The following ATP8A1 variants were observed in gnomAD, a reference collection of about 807,000 sequenced individuals.
ATP8A1 encodes phospholipid-transporting ATPase IA.
Under a neutral mutation model 177.7 loss-of-function variants are expected in ATP8A1, and 90 were observed. That is an observed-to-expected ratio of 0.51 (90% CI 0.43 to 0.60). The LOEUF is 0.60. Among genes scored for constraint, ATP8A1 ranks in the 20% least tolerant of loss-of-function variants. The pLI, the probability that ATP8A1 is intolerant of heterozygous loss-of-function variation, is 0.00. For missense variants in ATP8A1, 1,072 were observed against 1,392.8 expected (o/e 0.77, Z 3.67); for synonymous variants, 493 against 485.9 (o/e 1.01, Z -0.19).
chr4:42,440,816 C>A (rs547012249), intron 33 of ATP8A1, among the ~76,000 whole-genome samples: 1 of 152,284 alleles, frequency 6.6e-6, no homozygotes, highest in African/African-American at 2.4e-5. Context: ...TGAACCAGCA[C>A]AGAGCAGAAC....
intron 3 of ATP8A1, among the ~76,000 whole-genome samples, chr4:42,624,939 A>T (rs1284784750): frequency 1.3e-5 from 2 of 152,106 alleles, no homozygotes; most frequent in Non-Finnish European, 2.9e-5. Context: ...ACAATGAATA[A>T]CTGGGAAAAT....
chr4:42,528,951 T>C (rs1726985136), intron 20 of ATP8A1, among the ~76,000 whole-genome samples: 1 of 152,178 alleles, frequency 6.6e-6, no homozygotes, highest in African/African-American at 2.4e-5. Context: ...AGATATTCCT[T>C]CTAAGGTGAA....
In ATP8A1 at chr4:42,471,765, T is replaced by C. The variant is rs1260873337; in HGVS notation, c.2325-6689A>G. On this transcript the variant is annotated intron_variant, in intron 25 of 36. Transcript: ENST00000381668. Reference sequence around the variant, plus strand: ...ACTCAGCACAAGGCAGAATTAAAAATGGTAGCAAGCTCTTCCTAGGCTGGC... The same window carrying C: ...ACTCAGCACAAGGCAGAATTAAAAACGGTAGCAAGCTCTTCCTAGGCTGGC... The C allele has an allele frequency of 2.4e-5, 10 of 410,950 alleles. No individual in the cohort carries two copies. The Admixed American group carries it at 3.4e-4, about 14-fold the overall frequency. 25.5% of individuals were successfully genotyped at this position (410,950 alleles called of 1,614,324 possible). A position where few individuals can be genotyped will look rare whatever the true frequency, so the allele number is the denominator to read the frequency against.
At chr4:42,599,102 ATTGT>A (rs988348526) in intron 6 of ATP8A1, among the ~76,000 whole-genome samples, 2 of 152,178 alleles carry the variant, frequency 1.3e-5, no homozygotes, top group African/African-American at 2.4e-5. Flanking sequence ...TGAAATAATG[ATTGT>A]TTATTAGGAA....
chr4:42,629,516 G>T (rs1738500214), intron 1 of ATP8A1, among the ~76,000 whole-genome samples: 1 of 152,240 alleles, frequency 6.6e-6, no homozygotes, highest in Non-Finnish European at 1.5e-5. Context: ...AGCCAGTGGA[G>T]CTGGTAGGCA....
At chr4:42,472,666 C>G (rs1720564708) in intron 25 of ATP8A1, among the ~76,000 whole-genome samples, 1 of 149,916 alleles carries the variant, frequency 6.7e-6, no homozygotes, top group Admixed American at 6.7e-5. Flanking sequence ...ATTGCGTGAA[C>G]CTGGGAGATG....
chr4:42,410,581 C>T lies in ATP8A1; in HGVS notation c.*2335G>A, dbSNP rs1465618368. The T allele has an allele frequency of 2.6e-5, 4 of 152,156 alleles. No individual in the cohort carries two copies. Among genetic ancestry groups the T allele is most frequent in the Non-Finnish European group, 4.4e-5 (3 of 68,014 alleles). 9.4% of individuals were successfully genotyped at this position (152,156 alleles called of 1,614,324 possible). A position where few individuals can be genotyped will look rare whatever the true frequency, so the allele number is the denominator to read the frequency against. The stretch of plus-strand genomic sequence containing the variant: ...TTTCACCAAGAAGGTCATTCCCTGT[C>T]CCTCAAACCCCAAGTCTCACCCAGG... On this transcript the variant is annotated 3_prime_UTR_variant, in exon 37 of 37. Coordinates refer to ENST00000381668, the MANE Select transcript of ATP8A1 (RefSeq NM_006095.2).
At chr4:42,555,680 G>C (rs1247759783) in intron 16 of ATP8A1, among the ~76,000 whole-genome samples, 1 of 151,972 alleles carries the variant, frequency 6.6e-6, no homozygotes, top group Non-Finnish European at 1.5e-5. Flanking sequence ...AAAATTAGCC[G>C]GGTGTGGTGG....
intron 1 of ATP8A1, among the ~76,000 whole-genome samples, chr4:42,644,237 G>C: frequency 6.6e-6 from 1 of 152,166 alleles, no homozygotes. Flanking sequence ...ATTCCACCGG[G>C]AAATTCACTT....
chr4:42,592,010 TA>T (rs1240020976), intron 6 of ATP8A1, among the ~76,000 whole-genome samples: 2 of 152,126 alleles, frequency 1.3e-5, no homozygotes, highest in Non-Finnish European at 2.9e-5. Flanking sequence ...CTCTTTCAGT[TA>T]AATGATTAAA....
In ATP8A1 at chr4:42,574,690, A is replaced by G. The variant is rs762834723; in HGVS notation, c.1224T>C (p.Ser408=). 2 of 1,606,114 alleles carry G rather than the reference A, an allele frequency of 1.2e-6. No homozygotes were observed. The highest frequency in any genetic ancestry group is 3.5e-5 in the Admixed American group (2 of 57,946). The part of the protein sequence containing the change: ...EELGQVKYIF[S]DKTGTLTCNV... ...TGCATGTCAGAGTACCAGTTTTGTC[A>G]GAAAATATGTATTTAACCTAAAAAA... The change falls in exon 14 of 37, where the codon TCT becomes TCC. Residue 408 remains serine (S), a synonymous_variant. Transcript: ENST00000381668.
intron 15 of ATP8A1, chr4:42,562,043 T>C (rs1730889975): frequency 6.6e-6 from 1 of 152,168 alleles, no homozygotes; most frequent in Non-Finnish European, 1.5e-5. Flanking sequence ...TTAACGTAAT[T>C]TTGATCCAAT....
chr4:42,552,060 C>T lies in ATP8A1; in HGVS notation c.1519+445G>A, dbSNP rs371745721. On this transcript the variant is annotated intron_variant, in intron 17 of 36. Coordinates refer to ENST00000381668, the MANE Select transcript of ATP8A1 (RefSeq NM_006095.2). ...AAAACTTTCCTCACCCAAATAAATA[C>T]ACAAGCTTCTTTATTATCATTAACA... is the stretch of plus-strand genomic sequence containing the variant. Among the ~76,000 whole-genome samples, 35 of 152,260 alleles carry T rather than the reference C, an allele frequency of 2.3e-4. No individual in the cohort carries two copies. The South Asian group carries it at 5.8e-3, about 25-fold the overall frequency.
At chr4:42,643,969 C>T (rs1232498492) in intron 1 of ATP8A1, among the ~76,000 whole-genome samples, 1 of 152,034 alleles carries the variant, frequency 6.6e-6, no homozygotes, top group Non-Finnish European at 1.5e-5. Context: ...AGTTATGTCA[C>T]AAAACAAAAA....
rs570219007 is a variant in ATP8A1, at chr4:42,492,817, A to G, written c.2152-7149T>C. 1.1e-4 allele frequency among the ~76,000 whole-genome samples: 16 copies of G among 152,356 alleles called. No individual in the cohort carries two copies. In the East Asian group the frequency reaches 2.7e-3, roughly 26 times the overall value. On this transcript the variant is annotated intron_variant, in intron 24 of 36. Coordinates refer to ENST00000381668, the MANE Select transcript of ATP8A1 (RefSeq NM_006095.2). ...ACAAATCACTTTTGGAAGATATACA[A>G]CTTTCACCTTTGTCAGAATGAACAT...
intron 36 of ATP8A1, among the ~76,000 whole-genome samples, chr4:42,413,581 G>A (rs570459663): frequency 5.9e-5 from 9 of 152,224 alleles, no homozygotes; most frequent in Admixed American, 2.0e-4. Flanking sequence ...ACATTCTCTC[G>A]TAGACTTAAA....
In ATP8A1 at chr4:42,449,513, A is replaced by T. The variant is rs534396012; in HGVS notation, c.2896+2468T>A. On this transcript the variant is annotated intron_variant, in intron 30 of 36. Coordinates refer to ENST00000381668, the MANE Select transcript of ATP8A1 (RefSeq NM_006095.2). ...GGAATAGATGAATATGTAGCTATAT[A>T]TTACACAGCATGTGTAAAGTTCTTC... Among the ~76,000 whole-genome samples the T allele has an allele frequency of 1.1e-4, 16 of 152,284 alleles. No individual in the cohort carries two copies. The East Asian group carries it at 3.1e-3, about 29-fold the overall frequency.
chr4:42,568,100 T>C (rs1370791676), intron 15 of ATP8A1, among the ~76,000 whole-genome samples: 2 of 152,196 alleles, frequency 1.3e-5, no homozygotes, highest in Non-Finnish European at 2.9e-5. Context: ...CTTTGGTACA[T>C]TTAAAAATAT....
chr4:42,537,885 T>C (rs975184239), intron 20 of ATP8A1, among the ~76,000 whole-genome samples: 1 of 152,130 alleles, frequency 6.6e-6, no homozygotes, highest in Non-Finnish European at 1.5e-5. Context: ...ACCACCACCA[T>C]TCTTCACAAT....
Sources: gnomAD v4.1 joint callset for allele counts (sites outside exome capture counted in the v4.1 genomes callset) on GRCh38, gnomAD v4.1.1 for gene constraint, MANE v1.5 for transcripts, NCBI Gene and HGNC (gene_info 2026-07-23, HGNC 2026-07-21) for gene names.